Variants in CCDC110 observed in about 807,000 individuals in gnomAD.
CCDC110 encodes the protein coiled-coil domain containing 110.
In CCDC110, 70 loss-of-function variants were observed where a neutral mutation model predicts 77.1. The observed-to-expected ratio is 0.91, with a 90% CI of 0.75 to 1.11. The LOEUF (loss-of-function observed/expected upper bound fraction) is 1.11, where lower values mean the gene tolerates loss of function less well. Among genes scored for constraint, CCDC110 ranks in the 50% least tolerant of loss-of-function variants. CCDC110 has a pLI of 0.00. For synonymous variants in CCDC110, 295 were observed against 312.5 expected, an observed-to-expected ratio of 0.94 and a Z score of 0.59; for missense variants, 868 against 942.9, an observed-to-expected ratio of 0.92 and a Z score of 1.04.
chr4:185,463,531 G>C (rs2095650203), intron 2 of CCDC110, among the ~76,000 whole-genome samples: 1 of 152,222 alleles, frequency 6.6e-6, no homozygotes, highest in African/African-American at 2.4e-5. Context: ...CTTGGGAAGG[G>C]CAGTTTCACA....
intron 2 of CCDC110, among the ~76,000 whole-genome samples, 198 bp from the exon 3 acceptor site, chr4:185,463,247 T>C (rs1292314475): frequency 5.3e-5 from 8 of 152,224 alleles, no homozygotes; most frequent in Non-Finnish European, 1.2e-4. Context: ...GAGGTTGTAA[T>C]AGTGTCTTCA....
intron 6 of CCDC110, among the ~76,000 whole-genome samples, chr4:185,450,775 C>T (rs1401631133): frequency 5.3e-5 from 8 of 150,452 alleles, no homozygotes; most frequent in South Asian, 2.1e-4. Context: ...TCTTAAAAGA[C>T]ATGATTTAAA....
chr4:185,459,059 T>C lies in CCDC110; in HGVS notation c.1528A>G (p.Lys510Glu). ...YSKECLKEFK[K>E]IISKYNVLQG... ...AGAACATTATATTTACTAATTATTT[T>C]TTTAAATTCTTTAAGACACTCTTTG... is the stretch of plus-strand genomic sequence containing the variant. The change falls in exon 6 of 7, where the codon AAA becomes GAA. Residue 510 changes from lysine (K) to glutamate (E), a missense_variant. Physicochemically the swap from Lys to Glu is moderately conservative, Grantham distance 56 (BLOSUM62 1). Coordinates refer to ENST00000307588, the MANE Select transcript of CCDC110 (RefSeq NM_152775.4). 1 of 1,564,608 alleles carries C rather than the reference T, an allele frequency of 6.4e-7. No homozygotes were observed. The highest frequency in any genetic ancestry group is 8.7e-7 in the Non-Finnish European group (1 of 1,153,630).
At chr4:185,452,167 A>G in intron 6 of CCDC110, 1 of 980,372 alleles carries the variant, frequency 1.0e-6, no homozygotes, top group Non-Finnish European at 1.2e-6. Context: ...AATACAAAAC[A>G]GTTTTATTCC....
intron 2 of CCDC110, among the ~76,000 whole-genome samples, chr4:185,466,108 G>A (rs1270734838): frequency 2.0e-5 from 3 of 152,186 alleles, no homozygotes; most frequent in African/African-American, 4.8e-5. Flanking sequence ...GGGTGCAGTG[G>A]CTCGCACCTG....
Position 185,459,971 on chromosome 4 carries a change from T to G in CCDC110, c.616A>C (p.Thr206Pro). The change falls in exon 6 of 7, where the codon ACT becomes CCT. Residue 206 changes from threonine (T) to proline (P), a missense_variant. Coordinates refer to ENST00000307588, the MANE Select transcript of CCDC110 (RefSeq NM_152775.4). ...NYNNFYRFLPTAPPNVMSQAD... is the reference protein window; with the variant it reads ...NYNNFYRFLPPAPPNVMSQAD... ...TGAGACATCACATTTGGAGGTGCAG[T>G]AGGTAGAAAACGATAAAAGTTATTA... The G allele has an allele frequency of 1.9e-6, 3 of 1,613,734 alleles. No homozygotes were observed. Among genetic ancestry groups the G allele is most frequent in the Non-Finnish European group, 2.5e-6 (3 of 1,179,768 alleles).
Position 185,458,219 on chromosome 4 carries a change from A to C in CCDC110, c.2368T>G (p.Tyr790Asp). Residue 790 changes from tyrosine to aspartate, a missense_variant, in exon 6 of 7, where the codon TAC (tyrosine) becomes GAC (aspartate). By Grantham distance (160) the Tyr-to-Asp change is radical. Transcript: ENST00000307588. ...NQHNDPSKTT[Y>D]ISRREKFHFD... Reference sequence around the variant, plus strand: ...TGGAATTTCTCTCTTCTTGAAATGTAAGTTGTTTTTGAAGGGTCATTATGC... The same window carrying C: ...TGGAATTTCTCTCTTCTTGAAATGTCAGTTGTTTTTGAAGGGTCATTATGC... 2 of 1,605,498 alleles carry C rather than the reference A, an allele frequency of 1.2e-6. No homozygotes were observed. The highest frequency in any genetic ancestry group is 1.7e-6 in the Non-Finnish European group (2 of 1,177,588).
At chr4:185,464,568 G>A (rs1251227252) in intron 2 of CCDC110, among the ~76,000 whole-genome samples, 3 of 152,148 alleles carry the variant, frequency 2.0e-5, no homozygotes, top group East Asian at 1.9e-4. Flanking sequence ...GAAACACAAC[G>A]TTTTTCAGAC....
rs754460328 is a variant in CCDC110 at position 185,471,601 on chromosome 4, G to T, written c.10+73C>A. 1.1e-5 allele frequency: 17 copies of T among 1,486,790 alleles called. No homozygotes were observed. In the African/African-American group the frequency reaches 2.2e-4, roughly 19 times the overall value. The allele number at this position is 1,486,790 out of a possible 1,614,324, so 92.1% of individuals were successfully genotyped here. A position where few individuals can be genotyped will look rare whatever the true frequency, so the allele number is the denominator to read the frequency against. ...GTCCCGGGTTTTCGAGCGGGGAGCC[G>T]CCTGCTGAATGCCCTTCTGCTGCCC... On this transcript the variant is annotated intron_variant, in intron 1 of 6. Coordinates refer to ENST00000307588, the MANE Select transcript of CCDC110 (RefSeq NM_152775.4).
chr4:185,459,957 A>AT lies in CCDC110; in HGVS notation c.629dup (p.Asn210LysfsTer7). On this transcript the variant is annotated frameshift_variant, in exon 6 of 7. Transcript: ENST00000307588. LOFTEE classifies it high-confidence loss of function. ...TTACTGTATCAGCTTGAGACATCAC[A>AT]TTTGGAGGTGCAGTAGGTAGAAAAC... 6.2e-7 allele frequency: 1 copy of AT among 1,613,838 alleles called. No individual in the cohort carries two copies. Among genetic ancestry groups the AT allele is most frequent in the Non-Finnish European group, 8.5e-7 (1 of 1,179,824 alleles).
intron 2 of CCDC110, among the ~76,000 whole-genome samples, chr4:185,469,977 T>A (rs2095662937): frequency 6.6e-6 from 1 of 152,170 alleles, no homozygotes. Context: ...CGTGCTCTGC[T>A]CCTTCCCCGG....
At chr4:185,462,601 T>C in intron 4 of CCDC110, 42 bp downstream of exon 4, 1 of 1,488,240 alleles carries the variant, frequency 6.7e-7, no homozygotes, top group Non-Finnish European at 9.4e-7. Flanking sequence ...GGGATGATAC[T>C]TCAAGGTGAG....
rs62345626 is a variant in CCDC110 at position 185,453,958 on chromosome 4, C to T, written c.2461+4168G>A. On this transcript the variant is annotated intron_variant, in intron 6 of 6. Coordinates refer to ENST00000307588, the MANE Select transcript of CCDC110 (RefSeq NM_152775.4). ...TCTCCTGAGTAGCTGGGATTACAGG[C>T]GCCTGCCAACCAAGCCCAGCTAATT... 5.3e-5 allele frequency among the ~76,000 whole-genome samples: 8 copies of T among 151,938 alleles called. No homozygotes were observed. The South Asian group carries it at 6.2e-4, about 12-fold the overall frequency.
intron 6 of CCDC110, chr4:185,452,084 G>T: frequency 2.1e-6 from 1 of 467,526 alleles, no homozygotes; most frequent in Non-Finnish European, 2.8e-6. Context: ...TCTGACAGGT[G>T]CAAACTAGTT....
At chr4:185,457,442 T>C (rs1472681238) in intron 6 of CCDC110, 3 of 355,890 alleles carry the variant, frequency 8.4e-6, no homozygotes, top group Non-Finnish European at 1.6e-5. Context: ...CTGTAGAAAC[T>C]GGGGCTTGGA....
chr4:185,457,242 T>C (rs1316009078), intron 6 of CCDC110: 1 of 456,100 alleles, frequency 2.2e-6, no homozygotes, highest in Non-Finnish European at 4.4e-6. Context: ...AGAGTGTCTC[T>C]GGAGCACAGA....
At chr4:185,462,526 G>T in intron 4 of CCDC110, 117 bp downstream of exon 4, 1 of 743,730 alleles carries the variant, frequency 1.3e-6, no homozygotes, top group Non-Finnish European at 2.4e-6. Flanking sequence ...AATATGCTGT[G>T]GCCTCTATTA....
At chr4:185,447,272 G>C (rs112151492) in intron 6 of CCDC110, among the ~76,000 whole-genome samples, 3,046 of 150,880 alleles carry the variant, frequency 0.02, 48 homozygotes, top group Middle Eastern at 0.055. Flanking sequence ...AGCTCCACCT[G>C]CCGGGTTCAC....
intron 5 of CCDC110, chr4:185,460,839 C>T: frequency 2.1e-6 from 1 of 487,628 alleles, no homozygotes; most frequent in Non-Finnish European, 3.9e-6. Flanking sequence ...TCAAATGTCC[C>T]TCACAGACTC....
Sources: gnomAD v4.1 joint callset for allele counts (sites outside exome capture counted in the v4.1 genomes callset) on GRCh38, gnomAD v4.1.1 for gene constraint, MANE v1.5 for transcripts, NCBI Gene and HGNC (gene_info 2026-07-23, HGNC 2026-07-21) for gene names.